OPCML: variants seen among roughly 807,000 people sequenced by gnomAD.
OPCML encodes opioid-binding protein/cell adhesion molecule.
Under a neutral mutation model 37.8 loss-of-function variants are expected in OPCML, and 13 were observed. That is an observed-to-expected ratio of 0.34 (90% CI 0.22 to 0.55). The LOEUF is 0.55. OPCML is among the 20% of genes least tolerant of loss of function. The pLI, the probability that OPCML is intolerant of heterozygous loss-of-function variation, is 0.91. For missense variants in OPCML, 341 were observed against 435.6 expected (o/e 0.78, Z 1.93); for synonymous variants, 176 against 168.8 (o/e 1.04, Z -0.33).
At chr11:133,045,858 T>A (rs1948001390) in intron 1 of OPCML, among the ~76,000 whole-genome samples, 1 of 152,198 alleles carries the variant, frequency 6.6e-6, no homozygotes, top group Admixed American at 6.5e-5. Context: ...CAAAGTAACT[T>A]GCAAATTAGG....
intron 1 of OPCML, among the ~76,000 whole-genome samples, chr11:133,307,916 A>T (rs1592187379): frequency 6.6e-6 from 1 of 151,954 alleles, no homozygotes; most frequent in Non-Finnish European, 1.5e-5. Context: ...GAGTAATTTT[A>T]TTAATCAAAA....
intron 1 of OPCML, among the ~76,000 whole-genome samples, chr11:133,002,991 AC>A (rs1490440101): frequency 6.6e-6 from 1 of 152,152 alleles, no homozygotes; most frequent in African/African-American, 2.4e-5. Context: ...AGTCACAGTG[AC>A]TTTTCTGATA....
At chr11:132,647,350 G>A (rs537702558) in intron 3 of OPCML, among the ~76,000 whole-genome samples, 10 of 152,236 alleles carry the variant, frequency 6.6e-5, no homozygotes, top group African/African-American at 9.6e-5. Context: ...TAAGATGACC[G>A]CCACCCCACT....
At chr11:132,539,448 AC>A (rs1409144703) in intron 3 of OPCML, among the ~76,000 whole-genome samples, 1 of 152,200 alleles carries the variant, frequency 6.6e-6, no homozygotes, top group Non-Finnish European at 1.5e-5. Context: ...CTTTGAATAA[AC>A]CCTGAGATTT....
chr11:132,948,265 AG>A (rs1945788826), intron 1 of OPCML, among the ~76,000 whole-genome samples: 1 of 152,230 alleles, frequency 6.6e-6, no homozygotes, highest in African/African-American at 2.4e-5. Context: ...GGGAGGCACC[AG>A]GGTTGGTCAG....
At chr11:133,433,854 A>T (rs531897740) in intron 1 of OPCML, among the ~76,000 whole-genome samples, 1 of 152,124 alleles carries the variant, frequency 6.6e-6, no homozygotes, top group African/African-American at 2.4e-5. Flanking sequence ...GCTTTAGCTC[A>T]TATCCACACA....
At chr11:132,999,575 G>GT (rs1463938701) in intron 1 of OPCML, among the ~76,000 whole-genome samples, 1 of 150,346 alleles carries the variant, frequency 6.7e-6, no homozygotes, top group African/African-American at 2.5e-5. Flanking sequence ...GGGTCGGGGG[G>GT]GGAATGCCAC....
intron 2 of OPCML, among the ~76,000 whole-genome samples, chr11:132,658,005 A>G (rs377308363): frequency 1.8e-4 from 28 of 152,316 alleles, no homozygotes; most frequent in Non-Finnish European, 3.8e-4. Flanking sequence ...TTATCAAAGC[A>G]GGGAACTGTG....
intron 2 of OPCML, among the ~76,000 whole-genome samples, chr11:132,823,428 C>T (rs895513317): frequency 6.6e-6 from 1 of 152,156 alleles, no homozygotes; most frequent in Non-Finnish European, 1.5e-5. Flanking sequence ...GTGGCTAGCA[C>T]CTTTTCCTGC....
At chr11:132,671,487 T>C (rs1401764789) in intron 2 of OPCML, among the ~76,000 whole-genome samples, 2 of 152,134 alleles carry the variant, frequency 1.3e-5, no homozygotes, top group African/African-American at 2.4e-5. Context: ...ACCACCAGAT[T>C]GCTAATATGG....
At chr11:133,131,979 C>A (rs1262529022) in intron 1 of OPCML, among the ~76,000 whole-genome samples, 2 of 152,118 alleles carry the variant, frequency 1.3e-5, no homozygotes, top group Non-Finnish European at 2.9e-5. Flanking sequence ...GGATTATGGA[C>A]CTATATGTAA....
intron 7 of OPCML, among the ~76,000 whole-genome samples, chr11:132,426,493 G>A (rs1024788422): frequency 1.8e-4 from 28 of 152,192 alleles, no homozygotes; most frequent in Admixed American, 6.5e-4. Context: ...AGGCTGGAGC[G>A]CAGTGGCACG....
intron 1 of OPCML, among the ~76,000 whole-genome samples, chr11:133,219,215 A>C (rs1359494379): frequency 6.6e-6 from 1 of 152,212 alleles, no homozygotes; most frequent in Non-Finnish European, 1.5e-5. Context: ...TAAGTTAGCC[A>C]GTGAGTATTC....
chr11:132,666,906 G>A (rs1942251301), intron 2 of OPCML, among the ~76,000 whole-genome samples: 1 of 152,184 alleles, frequency 6.6e-6, no homozygotes, highest in Admixed American at 6.5e-5. Context: ...GACTTCTTTT[G>A]GAGAATAGAC....
At chr11:132,729,039 G>GT (rs1944981667) in intron 2 of OPCML, among the ~76,000 whole-genome samples, 1 of 152,122 alleles carries the variant, frequency 6.6e-6, no homozygotes, top group East Asian at 1.9e-4. Context: ...GAAAAGGAAA[G>GT]TGAACAAGTT....
intron 1 of OPCML, among the ~76,000 whole-genome samples, chr11:133,062,737 T>C (rs1388894590): frequency 6.6e-6 from 1 of 152,216 alleles, no homozygotes; most frequent in Non-Finnish European, 1.5e-5. Flanking sequence ...CATCTCCTGT[T>C]CCAGCTGGGG....
chr11:133,390,907 A>G (rs932918180), intron 1 of OPCML, among the ~76,000 whole-genome samples: 1 of 151,958 alleles, frequency 6.6e-6, no homozygotes, highest in Admixed American at 6.6e-5. Context: ...TAAAACTTCA[A>G]TGGCTCCCAG....
chr11:132,436,901 C>T, intron 5 of OPCML, 122 bp from the exon 6 acceptor site: 1 of 1,466,550 alleles, frequency 6.8e-7, no homozygotes, highest in East Asian at 2.5e-5. Context: ...CTTGTGACAA[C>T]CCTCTTTCCC....
chr11:132,897,726 C>T (rs1270553196), intron 2 of OPCML, among the ~76,000 whole-genome samples: 1 of 152,168 alleles, frequency 6.6e-6, no homozygotes, highest in Non-Finnish European at 1.5e-5. Context: ...TGGGGCAGTG[C>T]ACCTGGTTGT....
Sources: allele counts gnomAD v4.1 joint callset (sites outside exome capture counted in the v4.1 genomes callset), GRCh38; gene constraint gnomAD v4.1.1; transcripts MANE v1.5; gene names NCBI Gene and HGNC (gene_info 2026-07-23, HGNC 2026-07-21).